The following TANC1 variants were observed in gnomAD, a reference collection of about 807,000 sequenced individuals.
TANC1 encodes protein TANC1.
In TANC1, 77 loss-of-function variants were observed where a neutral mutation model predicts 149.7. The observed-to-expected ratio is 0.51, with a 90% CI of 0.43 to 0.62. The LOEUF (loss-of-function observed/expected upper bound fraction) is 0.62, where lower values mean the gene tolerates loss of function less well. Among genes scored for constraint, TANC1 ranks in the 20% least tolerant of loss-of-function variants. TANC1 has a pLI of 0.00. For synonymous variants in TANC1, 854 were observed against 925.0 expected (o/e 0.92, Z 1.39); for missense variants, 1,985 against 2,321.8 (o/e 0.85, Z 2.98).
At chr2:158,983,468 C>CAAAAAAAAA (rs35472970) in intron 1 of TANC1, among the ~76,000 whole-genome samples, 7 of 88,796 alleles carry the variant, frequency 7.9e-5, no homozygotes, top group African/African-American at 2.8e-4. Flanking sequence ...CTCCGTCTCC[C>CAAAAAAAAA]AAAAAAAAAA....
At chr2:159,105,820 T>C (rs138024595) in intron 4 of TANC1, among the ~76,000 whole-genome samples, 1 of 152,344 alleles carries the variant, frequency 6.6e-6, no homozygotes, top group East Asian at 1.9e-4. Context: ...TTTAACATTG[T>C]AGATGAATTA....
At chr2:159,008,831 A>C (rs1274871031) in intron 2 of TANC1, among the ~76,000 whole-genome samples, 1 of 152,110 alleles carries the variant, frequency 6.6e-6, no homozygotes, top group African/African-American at 2.4e-5. Flanking sequence ...CTATTAAACT[A>C]CCCTCTGCTC....
chr2:159,103,023 C>A lies in TANC1; in HGVS notation c.259+5189C>A, dbSNP rs1390897162. 3.2e-5 allele frequency among the ~76,000 whole-genome samples: 3 copies of A among 94,956 alleles called. 1 individual carries two copies. The highest frequency in any genetic ancestry group is 8.8e-5 in the Non-Finnish European group (3 of 34,224). The allele number at this position is 94,956 out of a possible 152,430, so 62.3% of individuals were successfully genotyped here. On this transcript the variant is annotated intron_variant, in intron 4 of 26. Transcript: ENST00000263635. ...ATGAGCCACCCCTCCCAGCCAGATA[C>A]TTACTTTTTAAAAAAATTTTTAGCA... is the stretch of plus-strand genomic sequence containing the variant.
At chr2:159,024,465 A>T (rs765635001) in intron 2 of TANC1, among the ~76,000 whole-genome samples, 6 of 152,130 alleles carry the variant, frequency 3.9e-5, no homozygotes, top group Non-Finnish European at 8.8e-5. Flanking sequence ...AAAAAATCCT[A>T]TAGGCATGGG....
intron 19 of TANC1, among the ~76,000 whole-genome samples, chr2:159,203,779 G>A (rs1051001761): frequency 1.3e-5 from 2 of 151,770 alleles, no homozygotes; most frequent in Non-Finnish European, 2.9e-5. Context: ...GATTCGCCAT[G>A]TTGCCTAGGC....
At chr2:159,194,687 C>T (rs560749838) in intron 17 of TANC1, among the ~76,000 whole-genome samples, 194 bp downstream of exon 17, 3 of 152,360 alleles carry the variant, frequency 2.0e-5, no homozygotes, top group African/African-American at 7.2e-5. Flanking sequence ...CACAGCAACT[C>T]TGCTTAATGT....
chr2:159,152,934 G>A (rs2053011361), intron 7 of TANC1, among the ~76,000 whole-genome samples: 1 of 152,208 alleles, frequency 6.6e-6, no homozygotes, highest in Non-Finnish European at 1.5e-5. Context: ...TTAAACTGCA[G>A]GAGGTTCTTA....
At chr2:159,038,171 T>C (rs2040351743) in intron 2 of TANC1, among the ~76,000 whole-genome samples, 1 of 152,206 alleles carries the variant, frequency 6.6e-6, no homozygotes, top group Non-Finnish European at 1.5e-5. Context: ...TATTGGCGTA[T>C]AGGAATGCTT....
intron 7 of TANC1, among the ~76,000 whole-genome samples, chr2:159,152,741 C>T (rs968368840): frequency 6.6e-6 from 1 of 152,178 alleles, no homozygotes; most frequent in African/African-American, 2.4e-5. Context: ...ACCTTGGCCT[C>T]CCAAAGTACT....
At chr2:159,127,179 A>G (rs986151675) in intron 4 of TANC1, among the ~76,000 whole-genome samples, 1 of 152,260 alleles carries the variant, frequency 6.6e-6, no homozygotes, top group Non-Finnish European at 1.5e-5. Flanking sequence ...TTTGAAAAGA[A>G]GACATTTACA....
chr2:159,136,002 T>TTGTGTGTGTGTGTGTGTGTGTGTG (rs754052800), intron 4 of TANC1, among the ~76,000 whole-genome samples, 192 bp from the exon 5 acceptor site: 10 of 107,876 alleles, frequency 9.3e-5, no homozygotes, highest in South Asian at 3.0e-4. Flanking sequence ...TACTGAAATT[T>TTGTGTGTGTGTGTGTGTGTGTGTG]TGTGTGTGTG....
intron 4 of TANC1, among the ~76,000 whole-genome samples, chr2:159,102,591 G>A (rs1459997670): frequency 6.8e-4 from 87 of 128,862 alleles, no homozygotes; most frequent in Admixed American, 2.2e-3. Context: ...ACTGCACCCA[G>A]CTCTTGCTTA....
At chr2:159,173,027 G>A (rs1008285171) in intron 11 of TANC1, among the ~76,000 whole-genome samples, 5 of 151,984 alleles carry the variant, frequency 3.3e-5, no homozygotes, top group Admixed American at 1.3e-4. Context: ...TGCTCTTGGC[G>A]CCATCACCCC....
chr2:159,007,707 T>C (rs1472106469), intron 2 of TANC1, among the ~76,000 whole-genome samples: 1 of 152,250 alleles, frequency 6.6e-6, no homozygotes, highest in East Asian at 1.9e-4. Context: ...TGCGTAACTG[T>C]ATTCCTGAAC....
chr2:159,190,930 A>G (rs2057394430), intron 16 of TANC1, among the ~76,000 whole-genome samples: 1 of 152,244 alleles, frequency 6.6e-6, no homozygotes, highest in Non-Finnish European at 1.5e-5. Context: ...CATTTTTAAA[A>G]AGCAAGCCTA....
At chr2:159,206,847 G>C (rs1197802170) in intron 19 of TANC1, among the ~76,000 whole-genome samples, 1 of 152,170 alleles carries the variant, frequency 6.6e-6, no homozygotes, top group Non-Finnish European at 1.5e-5. Context: ...CCCTTACCGA[G>C]AGGAGAGAGA....
chr2:159,228,023 A>AAGGCCAGCCCTTCTCCAGCG lies in TANC1; in HGVS notation c.4050+58_4050+59insAGGCCAGCCCTTCTCCAGCG, dbSNP rs2060122242. On this transcript the variant is annotated intron_variant, in intron 25 of 26. Coordinates refer to ENST00000263635, the MANE Select transcript of TANC1 (RefSeq NM_033394.3). ...TCCAGCAACAGAGCCCTTCTCCAGC[A>AAGGCCAGCCCTTCTCCAGCG]GTGAAGGCCAGCCCTTCTCCAGACC... 2.0e-5 allele frequency: 32 copies of AAGGCCAGCCCTTCTCCAGCG among 1,576,758 alleles called. 1 individual carries two copies. Among genetic ancestry groups the AAGGCCAGCCCTTCTCCAGCG allele is most frequent in the Middle Eastern group, 2.3e-4 (1 of 4,340 alleles).
At chr2:159,054,100 T>A (rs755423182) in intron 2 of TANC1, among the ~76,000 whole-genome samples, 1 of 152,214 alleles carries the variant, frequency 6.6e-6, no homozygotes, top group Non-Finnish European at 1.5e-5. Flanking sequence ...GTTGAGCAGC[T>A]TTGCCTTTGA....
intron 4 of TANC1, among the ~76,000 whole-genome samples, chr2:159,131,676 T>C (rs534724831): frequency 6.6e-6 from 1 of 152,218 alleles, no homozygotes; most frequent in Non-Finnish European, 1.5e-5. Flanking sequence ...ACAACTTTAA[T>C]GGTGTTTTGA....
Sources: gnomAD v4.1 joint callset for allele counts (sites outside exome capture counted in the v4.1 genomes callset) on GRCh38, gnomAD v4.1.1 for gene constraint, MANE v1.5 for transcripts, NCBI Gene and HGNC (gene_info 2026-07-23, HGNC 2026-07-21) for gene names.